Variants in CHIC2 observed in about 807,000 individuals in gnomAD.
CHIC2 encodes the protein cysteine rich hydrophobic domain 2.
CHIC2 carries 14 observed loss-of-function variants against 25.9 expected under a neutral mutation model. The ratio of observed to expected loss-of-function variants is 0.54; its 90% CI spans 0.36 to 0.85. The LOEUF (loss-of-function observed/expected upper bound fraction) is 0.85, where lower values mean the gene tolerates loss of function less well. Among genes scored for constraint, CHIC2 ranks in the 40% least tolerant of loss-of-function variants. CHIC2 has a pLI of 0.01. For missense variants in CHIC2, 146 were observed against 202.0 expected, an observed-to-expected ratio of 0.72 and a Z score of 1.68; for synonymous variants, 70 against 72.0, an observed-to-expected ratio of 0.97 and a Z score of 0.14.
intron 3 of CHIC2, among the ~76,000 whole-genome samples, chr4:54,032,138 T>C (rs1438076976): frequency 2.6e-5 from 4 of 152,210 alleles, no homozygotes; most frequent in African/African-American, 9.7e-5. Context: ...ATATTTTTAA[T>C]AAATCCATAT....
In CHIC2 at chr4:54,064,173, G is replaced by A. The variant is rs368851702; in HGVS notation, c.119+9C>T. 9.4e-6 allele frequency: 15 copies of A among 1,597,584 alleles called. No individual in the cohort carries two copies. In the African/African-American group the frequency reaches 1.3e-4, roughly 14 times the overall value. On this transcript the variant is annotated intron_variant, in intron 1 of 5. Coordinates refer to ENST00000263921, the MANE Select transcript of CHIC2 (RefSeq NM_012110.4). The surrounding 1 kb of genome is among the most constrained non-coding windows in gnomAD (Gnocchi z 4.2). Reference sequence around the variant, plus strand: ...GCACCTCCCGCCCTCGCCCTCCTCCGGGCCTTACACGGTGACGTGACCGGA... The same window carrying A: ...GCACCTCCCGCCCTCGCCCTCCTCCAGGCCTTACACGGTGACGTGACCGGA...
intron 1 of CHIC2, among the ~76,000 whole-genome samples, chr4:54,057,887 C>T (rs913060572): frequency 1.3e-5 from 2 of 152,164 alleles, no homozygotes; most frequent in African/African-American, 4.8e-5. Context: ...TCTAATAAGG[C>T]TGGTTGGTTG....
chr4:54,079,847 T>G, the CHIC2 span, among the ~76,000 whole-genome samples: 1 of 152,020 alleles, frequency 6.6e-6, no homozygotes, highest in African/African-American at 2.4e-5. Context: ...AGATAAAAGA[T>G]GAGTGTCTGC....
the CHIC2 span, among the ~76,000 whole-genome samples, chr4:54,086,241 C>T: frequency 1.3e-5 from 2 of 151,960 alleles, no homozygotes; most frequent in Admixed American, 1.3e-4. Flanking sequence ...TTGCAAAATG[C>T]TGGTCATACA....
At chr4:54,058,756 A>G (rs1005895388) in intron 1 of CHIC2, among the ~76,000 whole-genome samples, 15 of 152,212 alleles carry the variant, frequency 9.9e-5, no homozygotes, top group African/African-American at 3.4e-4. Flanking sequence ...CTTTCTGAGT[A>G]TACAGCTGGC....
chr4:54,067,553 TC>T (rs1717542151), upstream of CHIC2, among the ~76,000 whole-genome samples: 1 of 152,100 alleles, frequency 6.6e-6, no homozygotes, highest in Non-Finnish European at 1.5e-5. Flanking sequence ...CAGGATCCTC[TC>T]CCTCTGTGTC....
chr4:54,032,345 C>T (rs925229041), intron 3 of CHIC2, among the ~76,000 whole-genome samples: 1 of 143,884 alleles, frequency 7.0e-6, no homozygotes, highest in African/African-American at 2.5e-5. Flanking sequence ...GCTGCCATCT[C>T]GGCTCACTGC....
chr4:54,047,497 T>A (rs2110083935), intron 3 of CHIC2, among the ~76,000 whole-genome samples: 2 of 151,904 alleles, frequency 1.3e-5, no homozygotes, highest in South Asian at 4.2e-4. Context: ...ATGTCCTTTG[T>A]AAGGACATGG....
the CHIC2 span, among the ~76,000 whole-genome samples, chr4:54,091,728 A>C: frequency 1.3e-5 from 2 of 152,146 alleles, no homozygotes; most frequent in African/African-American, 4.8e-5. Context: ...CTCATTCCCT[A>C]CCCTCATTCT....
In CHIC2 at chr4:54,030,533, A is replaced by T. The variant is rs142380253; in HGVS notation, c.331-16414T>A. Among the ~76,000 whole-genome samples, 558 of 118,180 alleles carry T rather than the reference A, an allele frequency of 4.7e-3. 1 individual carries two copies. Among genetic ancestry groups the T allele is most frequent in the South Asian group, 7.8e-3 (29 of 3,706 alleles). The allele number at this position is 118,180 out of a possible 152,430, so 77.5% of individuals were successfully genotyped here. ...GTCCCTATCTCAAAAGAAAAAAAAA[A>T]AAAAATATATATATATATGTATACA... is the stretch of plus-strand genomic sequence containing the variant. On this transcript the variant is annotated intron_variant, in intron 3 of 5. Transcript: ENST00000263921.
At chr4:54,068,949 G>C (rs1040868121), upstream of CHIC2, among the ~76,000 whole-genome samples, 2 of 152,166 alleles carry the variant, frequency 1.3e-5, no homozygotes, top group South Asian at 4.1e-4. Context: ...CACAGAACTC[G>C]GGGAAACAGG....
At chr4:54,068,096 G>T (rs1293978322), upstream of CHIC2, among the ~76,000 whole-genome samples, 1 of 152,058 alleles carries the variant, frequency 6.6e-6, no homozygotes, top group Non-Finnish European at 1.5e-5. Flanking sequence ...GTGCCATGGG[G>T]ACACAGCAAG....
chr4:54,064,610 C>A (rs565419086), upstream of CHIC2: 27 of 1,167,026 alleles, frequency 2.3e-5, no homozygotes, highest in Non-Finnish European at 2.6e-5. The surrounding 1 kb of genome is among the most constrained non-coding windows in gnomAD (Gnocchi z 4.2). Context: ...GAAACCACAG[C>A]AACAGCCCGA....
chr4:54,035,062 C>A (rs1207307323), intron 3 of CHIC2, among the ~76,000 whole-genome samples: 1 of 152,106 alleles, frequency 6.6e-6, no homozygotes, highest in Non-Finnish European at 1.5e-5. Flanking sequence ...TTAAACCAAC[C>A]TTACTTACCT....
At chr4:54,050,522 A>C (rs914361501) in intron 1 of CHIC2, among the ~76,000 whole-genome samples, 1 of 152,116 alleles carries the variant, frequency 6.6e-6, no homozygotes, top group African/African-American at 2.4e-5. Flanking sequence ...TTATCTTAAA[A>C]AACAAAACAA....
chr4:54,085,166 T>A, the CHIC2 span, among the ~76,000 whole-genome samples: 1 of 152,184 alleles, frequency 6.6e-6, no homozygotes, highest in African/African-American at 2.4e-5. Context: ...AATATGAATG[T>A]CCTTAAGGAA....
chr4:54,078,858 G>A, the CHIC2 span, among the ~76,000 whole-genome samples: 37 of 152,000 alleles, frequency 2.4e-4, no homozygotes, highest in Non-Finnish European at 5.1e-4. Flanking sequence ...TTTCCTACAT[G>A]ACATTAAATT....
At chr4:54,020,814 C>T (rs1277233322) in intron 3 of CHIC2, among the ~76,000 whole-genome samples, 1 of 152,206 alleles carries the variant, frequency 6.6e-6, no homozygotes, top group Non-Finnish European at 1.5e-5. Flanking sequence ...GGAAGACAGC[C>T]TTCCCTTGGT....
intron 3 of CHIC2, among the ~76,000 whole-genome samples, chr4:54,043,491 C>T (rs961868692): frequency 2.6e-5 from 4 of 151,064 alleles, no homozygotes; most frequent in Non-Finnish European, 4.4e-5. Flanking sequence ...AGAGTGGGGG[C>T]CAATATTCAA....
Sources: gnomAD v4.1 joint callset for allele counts (sites outside exome capture counted in the v4.1 genomes callset) on GRCh38, gnomAD v4.1.1 for gene constraint, Gnocchi (gnomAD v3.1) non-coding constraint, MANE v1.5 for transcripts, NCBI Gene and HGNC (gene_info 2026-07-23, HGNC 2026-07-21) for gene names.